Variants in TMEM114 observed in about 807,000 individuals in gnomAD.
The protein encoded by TMEM114 is transmembrane protein 114, also known as claudin-26.
In TMEM114, 6 loss-of-function variants were observed where a neutral mutation model predicts 6.2. The ratio of observed to expected loss-of-function variants is 0.97; its 90% confidence interval spans 0.53 to 1.91. The LOEUF (loss-of-function observed/expected upper bound fraction) is 1.91, where lower values mean the gene tolerates loss of function less well. TMEM114 is among the 40% of genes most tolerant of loss of function. The pLI, the probability that TMEM114 is intolerant of heterozygous loss-of-function variation, is 0.01. For missense variants in TMEM114, 218 were observed against 158.3 expected (o/e 1.38, Z -2.02); for synonymous variants, 104 against 73.0 (o/e 1.42, Z -2.16).
downstream of TMEM114, among the ~76,000 whole-genome samples, chr16:8,533,493 A>G (rs749215263): frequency 4.6e-5 from 7 of 152,220 alleles, no homozygotes; most frequent in Non-Finnish European, 8.8e-5. Flanking sequence ...CCTTTGATAC[A>G]TGGTCACAGG....
the TMEM114 span, among the ~76,000 whole-genome samples, chr16:8,528,316 G>C: frequency 6.6e-6 from 1 of 152,148 alleles, no homozygotes; most frequent in East Asian, 1.9e-4. Flanking sequence ...AAAGGAGGAA[G>C]ATGCATCTCA....
chr16:8,587,661 C>T (rs1477062298), intron 2 of TMEM114, among the ~76,000 whole-genome samples: 1 of 152,226 alleles, frequency 6.6e-6, no homozygotes, highest in Non-Finnish European at 1.5e-5. Flanking sequence ...ATGCTAGGCA[C>T]TTGTCTTTAT....
downstream of TMEM114, among the ~76,000 whole-genome samples, chr16:8,566,124 A>G (rs1208893074): frequency 6.6e-6 from 1 of 152,156 alleles, no homozygotes; most frequent in Non-Finnish European, 1.5e-5. Context: ...TAATCCCAGC[A>G]CTTTGGGAGG....
At chr16:8,573,103 T>A (rs1197587215) in intron 2 of TMEM114, among the ~76,000 whole-genome samples, 1 of 152,202 alleles carries the variant, frequency 6.6e-6, no homozygotes, top group East Asian at 1.9e-4. Flanking sequence ...GCACCTTGAT[T>A]GCATCATGCA....
intron 2 of TMEM114, among the ~76,000 whole-genome samples, chr16:8,542,697 T>C (rs1387648145): frequency 6.6e-6 from 1 of 152,130 alleles, no homozygotes; most frequent in Middle Eastern, 3.2e-3. Flanking sequence ...TCAGAAGCAC[T>C]ACACTAAATG....
intron 2 of TMEM114, among the ~76,000 whole-genome samples, chr16:8,546,487 A>C (rs1345613657): frequency 6.6e-6 from 1 of 152,230 alleles, no homozygotes; most frequent in Admixed American, 6.5e-5. Context: ...ATCTACAGGA[A>C]CCAGCCCAGG....
At chr16:8,570,104 G>A in intron 3 of TMEM114, 99 bp from the exon 4 acceptor site, 1 of 1,437,350 alleles carries the variant, frequency 7.0e-7, no homozygotes. Flanking sequence ...TCAGCGTCCA[G>A]CGTCCTCGCT....
At chr16:8,588,410 C>A (rs926805987) in intron 2 of TMEM114, among the ~76,000 whole-genome samples, 6 of 152,110 alleles carry the variant, frequency 3.9e-5, no homozygotes, top group African/African-American at 1.4e-4. Context: ...GCAGAAATGA[C>A]GATACTAATA....
chr16:8,554,809 C>A (rs1900954897), intron 2 of TMEM114, among the ~76,000 whole-genome samples: 1 of 152,160 alleles, frequency 6.6e-6, no homozygotes, highest in Non-Finnish European at 1.5e-5. Flanking sequence ...CCACAACAAC[C>A]CTGAGGGTAG....
At chr16:8,569,482 A>T, downstream of TMEM114, 1 of 1,276,208 alleles carries the variant, frequency 7.8e-7, no homozygotes, top group Non-Finnish European at 9.9e-7. Flanking sequence ...AGGACTTTGC[A>T]ATCTGTAAAG....
At chr16:8,545,487 C>T (rs1042456461) in intron 2 of TMEM114, among the ~76,000 whole-genome samples, 27 of 152,280 alleles carry the variant, frequency 1.8e-4, no homozygotes, top group African/African-American at 6.3e-4. Context: ...ATCATCATCA[C>T]CTATTGCTAT....
At chr16:8,549,056 C>T (rs1395688189) in intron 2 of TMEM114, among the ~76,000 whole-genome samples, 1 of 151,992 alleles carries the variant, frequency 6.6e-6, no homozygotes, top group African/African-American at 2.4e-5. Flanking sequence ...GCAGCATGCG[C>T]CTGCAGTCCC....
chr16:8,570,248 G>A, intron 3 of TMEM114, among the ~76,000 whole-genome samples: 1 of 152,208 alleles, frequency 6.6e-6, no homozygotes, highest in East Asian at 1.9e-4. Flanking sequence ...GGACTTGCCT[G>A]AGCAGTGATT....
At chr16:8,557,094 G>T (rs560056030) in intron 2 of TMEM114, among the ~76,000 whole-genome samples, 15 of 152,234 alleles carry the variant, frequency 9.9e-5, no homozygotes, top group African/African-American at 3.6e-4. Flanking sequence ...TTCTAAACGT[G>T]GCTCTAGCAG....
intron 2 of TMEM114, among the ~76,000 whole-genome samples, chr16:8,547,579 G>T (rs1031286173): frequency 6.6e-6 from 1 of 152,016 alleles, no homozygotes; most frequent in Non-Finnish European, 1.5e-5. Context: ...TTTTAGTAGA[G>T]ACAGGGTTTC....
chr16:8,549,026 C>T (rs549844131), intron 2 of TMEM114, among the ~76,000 whole-genome samples: 1 of 151,766 alleles, frequency 6.6e-6, no homozygotes, highest in Admixed American at 6.6e-5. Flanking sequence ...ACTAAAAATA[C>T]AAAGATTTAG....
At chr16:8,540,063 A>T (rs1900473078) in intron 2 of TMEM114, among the ~76,000 whole-genome samples, 1 of 152,088 alleles carries the variant, frequency 6.6e-6, no homozygotes, top group African/African-American at 2.4e-5. Context: ...GCCTAAGGTG[A>T]TCCACCCGCC....
downstream of TMEM114, chr16:8,569,452 A>G (rs1901647781): frequency 2.6e-6 from 3 of 1,169,202 alleles, no homozygotes; most frequent in Non-Finnish European, 3.2e-6. Flanking sequence ...TGAGGAGGAA[A>G]TGAAGTCGGA....
At chr16:8,542,554 G>T (rs1460555302) in intron 2 of TMEM114, among the ~76,000 whole-genome samples, 1 of 152,160 alleles carries the variant, frequency 6.6e-6, no homozygotes, top group East Asian at 1.9e-4. Flanking sequence ...GAACGATTTG[G>T]CAGGGAGTGG....
Sources: gnomAD v4.1 joint callset for allele counts (sites outside exome capture counted in the v4.1 genomes callset) on GRCh38, gnomAD v4.1.1 for gene constraint, MANE v1.5 for transcripts, NCBI Gene and HGNC (gene_info 2026-07-23, HGNC 2026-07-21) for gene names.